Variants in RIT2 observed in about 807,000 individuals in gnomAD.
The protein encoded by RIT2 is Ras like without CAAX 2.
In RIT2, 24 loss-of-function variants were observed where a neutral mutation model predicts 23.7. The observed-to-expected ratio is 1.01, with a 90% CI of 0.73 to 1.43. The LOEUF (loss-of-function observed/expected upper bound fraction) is 1.43, where lower values mean the gene tolerates loss of function less well. Among genes scored for constraint, RIT2 ranks in the 40% most tolerant of loss-of-function variants. The pLI is 0.00. For missense variants in RIT2, 236 were observed against 266.9 expected (o/e 0.88, Z 0.81); for synonymous variants, 107 against 91.1 (o/e 1.17, Z -0.99).
chr18:43,024,941 C>T (rs887332318), intron 2 of RIT2, among the ~76,000 whole-genome samples: 1 of 152,024 alleles, frequency 6.6e-6, no homozygotes, highest in Non-Finnish European at 1.5e-5. Context: ...GGTGCGGTGG[C>T]TCATACCTGT....
At chr18:42,835,841 A>C (rs1232151795) in intron 4 of RIT2, among the ~76,000 whole-genome samples, 1 of 152,164 alleles carries the variant, frequency 6.6e-6, no homozygotes, top group Admixed American at 6.5e-5. Flanking sequence ...TGTTTGCTCA[A>C]TATGGTGTCA....
intron 2 of RIT2, among the ~76,000 whole-genome samples, chr18:42,993,296 C>G (rs977299835): frequency 3.3e-5 from 5 of 152,178 alleles, no homozygotes; most frequent in African/African-American, 1.2e-4. Context: ...GAACTCTGGC[C>G]CAAGCCTCTC....
In RIT2 at chr18:43,088,785, C is replaced by G. The variant is rs532759495; in HGVS notation, c.103+26632G>C. Among the ~76,000 whole-genome samples, 3 of 152,182 alleles carry G rather than the reference C, an allele frequency of 2.0e-5. No homozygotes were observed. In the East Asian group the frequency reaches 5.8e-4, roughly 29 times the overall value. On this transcript the variant is annotated intron_variant, in intron 1 of 4. Coordinates refer to ENST00000326695, the MANE Select transcript of RIT2 (RefSeq NM_002930.4). ...AATTAACTGAATCCATAGCTACCAA[C>G]CAAGGGGGACCTTATTGGAACATAT...
At chr18:42,980,517 T>C (rs1166453863) in intron 2 of RIT2, among the ~76,000 whole-genome samples, 1 of 152,114 alleles carries the variant, frequency 6.6e-6, no homozygotes, top group Non-Finnish European at 1.5e-5. Flanking sequence ...TACCAATCAG[T>C]ATCTCTCTGA....
intron 2 of RIT2, among the ~76,000 whole-genome samples, chr18:43,012,702 A>G (rs1187207539): frequency 2.0e-5 from 3 of 147,442 alleles, no homozygotes; most frequent in Non-Finnish European, 3.0e-5. Flanking sequence ...GTATGATTAT[A>G]GAGAGTAATT....
At chr18:43,059,562 T>A (rs900296835) in intron 1 of RIT2, among the ~76,000 whole-genome samples, 1 of 152,192 alleles carries the variant, frequency 6.6e-6, no homozygotes, top group Non-Finnish European at 1.5e-5. Context: ...TCCATCTATC[T>A]AAATTAATTC....
chr18:43,049,817 AT>A (rs1056563573), intron 1 of RIT2, among the ~76,000 whole-genome samples: 1 of 151,936 alleles, frequency 6.6e-6, no homozygotes, highest in Non-Finnish European at 1.5e-5. Context: ...ATTTCTGCTA[AT>A]TCAGTATAGA....
At chr18:42,839,765 A>T (rs995019578) in intron 4 of RIT2, among the ~76,000 whole-genome samples, 2 of 152,206 alleles carry the variant, frequency 1.3e-5, no homozygotes, top group Admixed American at 6.5e-5. Flanking sequence ...ATACGAATGG[A>T]CAGTGGCCAG....
intron 4 of RIT2, among the ~76,000 whole-genome samples, chr18:42,871,059 C>T (rs1907610881): frequency 6.6e-6 from 1 of 152,138 alleles, no homozygotes; most frequent in Non-Finnish European, 1.5e-5. Flanking sequence ...TGACCTACAT[C>T]GTGCACTGGG....
Position 43,062,967 on chromosome 18 carries a change from A to G in RIT2, c.104-29100T>C, listed in dbSNP as rs567781060. On this transcript the variant is annotated intron_variant, in intron 1 of 4. Coordinates refer to ENST00000326695, the MANE Select transcript of RIT2 (RefSeq NM_002930.4). ...ATTAGAAAATTTTGGGTTTTTTTTG[A>G]AAAGGAAAGGCTAGGGACATACCAA... 1.8e-4 allele frequency among the ~76,000 whole-genome samples: 27 copies of G among 152,226 alleles called. 1 individual carries two copies. The South Asian group carries it at 5.4e-3, about 30-fold the overall frequency.
At chr18:42,941,360 C>G (rs985361727) in intron 3 of RIT2, among the ~76,000 whole-genome samples, 14 of 152,104 alleles carry the variant, frequency 9.2e-5, no homozygotes, top group African/African-American at 3.4e-4. Context: ...CCCCCCACCC[C>G]TCTCCAATGC....
chr18:43,078,621 C>A (rs1598774138), intron 1 of RIT2, among the ~76,000 whole-genome samples: 1 of 152,174 alleles, frequency 6.6e-6, no homozygotes, highest in Non-Finnish European at 1.5e-5. Context: ...GTTTACATTC[C>A]TCCTGGAGCC....
At chr18:42,997,782 A>G (rs1342096841) in intron 2 of RIT2, among the ~76,000 whole-genome samples, 1 of 152,190 alleles carries the variant, frequency 6.6e-6, no homozygotes, top group Non-Finnish European at 1.5e-5. Flanking sequence ...TACCATCTCA[A>G]GGTGTTCCCA....
chr18:42,863,030 CTGT>C (rs1325366618), intron 4 of RIT2, among the ~76,000 whole-genome samples: 1 of 147,048 alleles, frequency 6.8e-6, no homozygotes, highest in Non-Finnish European at 1.5e-5. Flanking sequence ...CACATGCCTC[CTGT>C]TTTTTTTTTT....
intron 2 of RIT2, among the ~76,000 whole-genome samples, chr18:42,991,083 C>T (rs1910836271): frequency 6.6e-6 from 1 of 151,916 alleles, no homozygotes; most frequent in African/African-American, 2.4e-5. Context: ...TTTCGGAAAC[C>T]ATATTTAGTA....
chr18:42,902,517 T>A (rs533903619), intron 4 of RIT2, among the ~76,000 whole-genome samples: 1 of 151,686 alleles, frequency 6.6e-6, no homozygotes, highest in African/African-American at 2.4e-5. Flanking sequence ...AATTTACATA[T>A]ATTATTTTTT....
At chr18:42,999,104 G>A (rs965473278) in intron 2 of RIT2, among the ~76,000 whole-genome samples, 1 of 151,990 alleles carries the variant, frequency 6.6e-6, no homozygotes, top group African/African-American at 2.4e-5. Context: ...TCGAAGAAAA[G>A]CAAATTTACA....
chr18:42,798,692 C>A (rs1905441693), intron 4 of RIT2, among the ~76,000 whole-genome samples: 1 of 152,230 alleles, frequency 6.6e-6, no homozygotes, highest in Admixed American at 6.5e-5. Context: ...TTCTCTCCAA[C>A]CCCTCCTCTC....
At chr18:42,806,289 T>C (rs1315902402) in intron 4 of RIT2, among the ~76,000 whole-genome samples, 1 of 151,486 alleles carries the variant, frequency 6.6e-6, no homozygotes, top group African/African-American at 2.4e-5. Flanking sequence ...ACCAACATGG[T>C]AAAACCTCAT....
Sources: allele counts gnomAD v4.1 joint callset (sites outside exome capture counted in the v4.1 genomes callset), GRCh38; gene constraint gnomAD v4.1.1; transcripts MANE v1.5; gene names NCBI Gene and HGNC (gene_info 2026-07-23, HGNC 2026-07-21).